CACNA1H: variants seen among roughly 807,000 people sequenced by gnomAD.
CACNA1H encodes the protein voltage-dependent T-type calcium channel subunit alpha-1H.
Under a neutral mutation model 192.5 loss-of-function variants are expected in CACNA1H, and 149 were observed. The ratio of observed to expected loss-of-function variants is 0.77; its 90% CI spans 0.68 to 0.89. The LOEUF is 0.89. Ranked by LOEUF, CACNA1H falls within the 40% of genes least tolerant of loss-of-function variation. The probability of loss-of-function intolerance (pLI) is 0.00; values close to 1 mark genes in which losing one functional copy is unlikely to be tolerated. For missense variants in CACNA1H, 4,257 were observed against 3,423.5 expected, an observed-to-expected ratio of 1.24 and a Z score of -6.08; for synonymous variants, 2,202 against 1,475.2, an observed-to-expected ratio of 1.49 and a Z score of -11.29.
rs201667568 is a variant in CACNA1H, at chr16:1,207,061, C to T, written c.2850C>T (p.Thr950=). The change falls in exon 13 of 35, where the codon ACC becomes ACT. Residue 950 remains threonine, a synonymous_variant. Coordinates refer to ENST00000348261, the MANE Select transcript of CACNA1H (RefSeq NM_021098.3). The part of the protein sequence containing the change: ...KFSLKTDTGD[T]VPDRKNFDSL... ...GCCTGAAGACAGACACCGGAGACAC[C>T]GTGCCTGACAGGAAGAACTTCGACT... 4.4e-5 allele frequency: 71 copies of T among 1,603,110 alleles called. No homozygotes were observed. The highest frequency in any genetic ancestry group is 3.3e-4 in the South Asian group (29 of 89,108).
intron 2 of CACNA1H, among the ~76,000 whole-genome samples, chr16:1,159,337 T>C (rs1962874449): frequency 6.6e-6 from 1 of 151,438 alleles, no homozygotes; most frequent in Non-Finnish European, 1.5e-5. Flanking sequence ...GCGTTCGGAC[T>C]GAGACCTGGA....
chr16:1,171,728 G>A (rs958743792), intron 2 of CACNA1H, among the ~76,000 whole-genome samples: 5 of 152,010 alleles, frequency 3.3e-5, no homozygotes, highest in Non-Finnish European at 7.4e-5. Context: ...CCTCCCTCCT[G>A]GAGTCCCTGG....
In CACNA1H at chr16:1,198,677, C is replaced by T. The variant is rs748968251; in HGVS notation, c.706C>T (p.Leu236=). 1.9e-5 allele frequency: 31 copies of T among 1,613,426 alleles called. No individual in the cohort carries two copies. The African/African-American group carries it at 3.5e-4, about 18-fold the overall frequency. The change falls in exon 6 of 35, where the codon CTG becomes TTG. Residue 236 remains leucine, a synonymous_variant. Coordinates refer to ENST00000348261, the MANE Select transcript of CACNA1H (RefSeq NM_021098.3). ...TLPMLGNVLL[L]CFFVFFIFGI... is the part of the protein sequence containing the mutation. ...GCCCATGCTCGGGAACGTCCTTCTG[C>T]TGTGCTTCTTCGTCTTCTTCATTTT...
At chr16:1,195,874 C>G in intron 4 of CACNA1H, 52 bp from the exon 5 acceptor site, 1 of 1,436,704 alleles carries the variant, frequency 7.0e-7, no homozygotes, top group East Asian at 2.3e-5. Flanking sequence ...CAGCCCCACC[C>G]TGGACCACCT....
chr16:1,212,554 A>G (rs1402222608), intron 26 of CACNA1H, 26 bp downstream of exon 26: 3 of 1,606,672 alleles, frequency 1.9e-6, no homozygotes, highest in Non-Finnish European at 1.7e-6. Flanking sequence ...CGCATGCCTC[A>G]GGCCCCGCTT....
rs1401992464 is a variant in CACNA1H, at chr16:1,201,651, C to T, written c.1213-12C>T. Reference sequence around the variant, plus strand: ...TCACTCACTGCCACTTACCCGCCCGCCCCCGTCACAGGTGGGCTCCTTCTT... The same window carrying T: ...TCACTCACTGCCACTTACCCGCCCGTCCCCGTCACAGGTGGGCTCCTTCTT... On this transcript the variant is annotated splice_polypyrimidine_tract_variant and intron_variant, in intron 8 of 34. Transcript: ENST00000348261. The T allele has an allele frequency of 1.3e-5, 21 of 1,571,888 alleles. No individual in the cohort carries two copies. The highest frequency in any genetic ancestry group is 1.8e-5 in the Non-Finnish European group (21 of 1,157,526).
chr16:1,155,469 C>CG (rs1962215856), intron 2 of CACNA1H, among the ~76,000 whole-genome samples: 1 of 152,144 alleles, frequency 6.6e-6, no homozygotes, highest in African/African-American at 2.4e-5. Flanking sequence ...GTTAGTCCGG[C>CG]GGTGCCAGCA....
chr16:1,200,077 C>T (rs1050686440), intron 6 of CACNA1H, among the ~76,000 whole-genome samples, 179 bp from the exon 7 acceptor site: 2 of 152,058 alleles, frequency 1.3e-5, no homozygotes, highest in African/African-American at 4.8e-5. Context: ...GGGTCTTGAC[C>T]CTCAGTCCTA....
intron 2 of CACNA1H, among the ~76,000 whole-genome samples, chr16:1,190,282 G>C (rs556765534): frequency 6.6e-6 from 1 of 152,390 alleles, no homozygotes; most frequent in South Asian, 2.1e-4. Flanking sequence ...AAGTTGATTT[G>C]AAATCTAAAG....
In CACNA1H at chr16:1,180,856, C is replaced by T. The variant is rs546415189; in HGVS notation, c.300-14116C>T. On this transcript the variant is annotated intron_variant, in intron 2 of 34. Transcript: ENST00000348261. This position sits in a 1 kb window ranked among gnomAD's most constrained non-coding sequence, Gnocchi z 4.4. ...GCCCTGGACTCCCCGGGCCAGCACC[C>T]GACCTGGCCGCCAGCGTGCTGAGGA... Among the ~76,000 whole-genome samples, 15 of 152,298 alleles carry T rather than the reference C, an allele frequency of 9.8e-5. No individual in the cohort carries two copies. The highest frequency in any genetic ancestry group is 3.4e-4 in the African/African-American group (14 of 41,560).
Position 1,209,027 on chromosome 16 carries a change from C to T in CACNA1H, c.3364-5C>T. ...ACCAGGTCACTGACTCCCGCCACCCCCCAGGCCAGCCTCCGAAGTTCTCCC... is the reference window on the plus strand; with the variant it reads ...ACCAGGTCACTGACTCCCGCCACCCTCCAGGCCAGCCTCCGAAGTTCTCCC... On this transcript the variant is annotated splice_region_variant and splice_polypyrimidine_tract_variant and intron_variant, in intron 16 of 34. Transcript: ENST00000348261. The T allele has an allele frequency of 1.3e-6, 2 of 1,500,188 alleles. No individual in the cohort carries two copies. Among genetic ancestry groups the T allele is most frequent in the Middle Eastern group, 2.3e-4 (1 of 4,368 alleles). 92.9% of individuals were successfully genotyped at this position (1,500,188 alleles called of 1,614,324 possible). A position where few individuals can be genotyped will look rare whatever the true frequency, so the allele number is the denominator to read the frequency against.
chr16:1,203,041 C>G (rs1219248405), intron 9 of CACNA1H, among the ~76,000 whole-genome samples: 2 of 152,166 alleles, frequency 1.3e-5, no homozygotes, highest in African/African-American at 4.8e-5. Flanking sequence ...CTTCCTGGTT[C>G]TGTACACAGA....
rs569828599 is a variant in CACNA1H at position 1,201,559 on chromosome 16, C to T, written c.1213-104C>T. ...ATAGCAGGGCACCTCGCCCACTGTG[C>T]CTGTGACGCGGCCCCCACTCGAACA... On this transcript the variant is annotated intron_variant, in intron 8 of 34. Coordinates refer to ENST00000348261, the MANE Select transcript of CACNA1H (RefSeq NM_021098.3). The T allele has an allele frequency of 2.6e-5, 35 of 1,368,764 alleles. No homozygotes were observed. In the African/African-American group the frequency reaches 3.9e-4, roughly 15 times the overall value. 84.8% of individuals were successfully genotyped at this position (1,368,764 alleles called of 1,614,324 possible). A position where few individuals can be genotyped will look rare whatever the true frequency, so the allele number is the denominator to read the frequency against.
chr16:1,156,674 C>T (rs1353387519), intron 2 of CACNA1H, among the ~76,000 whole-genome samples: 1 of 152,154 alleles, frequency 6.6e-6, no homozygotes. Context: ...GAGGGATAAT[C>T]GGATTTGCTC....
rs1596409311 is a variant in CACNA1H, at chr16:1,201,934, T to C, written c.1484T>C (p.Val495Ala). The C allele has an allele frequency of 6.5e-7, 1 of 1,549,148 alleles. No individual in the cohort carries two copies. The highest frequency in any genetic ancestry group is 1.4e-5 in the African/African-American group (1 of 73,048). Residue 495 changes from valine to alanine, a missense_variant, in exon 9 of 35, where the codon GTG becomes GCG. Transcript: ENST00000348261. ...CGCAAGAAGGTGGACCCCAGTGCTGTGCAAGGCCAGGGTCCCGGGCACCGC... is the reference window on the plus strand; with the variant it reads ...CGCAAGAAGGTGGACCCCAGTGCTGCGCAAGGCCAGGGTCCCGGGCACCGC... ...RWRKKVDPSAVQGQGPGHRQR... is the reference protein window; with the variant it reads ...RWRKKVDPSAAQGQGPGHRQR...
rs1220460658 is a variant in CACNA1H, at chr16:1,207,789, A to G, written c.3083A>G (p.Asp1028Gly). 1 of 1,601,152 alleles carries G rather than the reference A, an allele frequency of 6.2e-7. No individual in the cohort carries two copies. The highest frequency in any genetic ancestry group is 8.5e-7 in the Non-Finnish European group (1 of 1,174,318). Residue 1028 changes from aspartate (D) to glycine (G), a missense_variant, in exon 15 of 35, where the codon GAC becomes GGC. Coordinates refer to ENST00000348261, the MANE Select transcript of CACNA1H (RefSeq NM_021098.3). ...FQAEGDANRS[D>G]TDEDKTSVHF... ...GTTTAGGGCGATGCCAACAGATCCG[A>G]CACGGACGAGGACAAGACGTCGGTC...
intron 5 of CACNA1H, among the ~76,000 whole-genome samples, chr16:1,198,238 C>T (rs1045088315): frequency 2.0e-5 from 3 of 152,156 alleles, no homozygotes; most frequent in Non-Finnish European, 4.4e-5. Flanking sequence ...CGAGATGCCA[C>T]GTGGTCAGAC....
In CACNA1H at chr16:1,213,181, G is replaced by T. The variant is rs182292863; in HGVS notation, c.4778-599G>T. 4.0e-4 allele frequency among the ~76,000 whole-genome samples: 61 copies of T among 152,354 alleles called. No individual in the cohort carries two copies. The East Asian group carries it at 0.011, about 28-fold the overall frequency. ...GACCACAGCCCATGGCCCCTTGGAG[G>T]ATGGGGAGGGGAGGTACTTGGGCTG... On this transcript the variant is annotated intron_variant, in intron 26 of 34. Coordinates refer to ENST00000348261, the MANE Select transcript of CACNA1H (RefSeq NM_021098.3).
At position 1,221,405 on chromosome 16, in the gene CACNA1H, A is replaced by C. The variant is rs1596483530; in HGVS notation, c.*411A>C. On this transcript the variant is annotated 3_prime_UTR_variant, in exon 35 of 35. Coordinates refer to ENST00000348261, the MANE Select transcript of CACNA1H (RefSeq NM_021098.3). ...CCCTTGCCGGCGGCAGGTTGCAGCC[A>C]CCGCGGCCCAATGTCACCTTCACTC... The C allele has an allele frequency of 3.5e-6, 1 of 287,650 alleles. No individual in the cohort carries two copies. 17.8% of individuals were successfully genotyped at this position (287,650 alleles called of 1,614,324 possible).
Sources: allele counts gnomAD v4.1 joint callset (sites outside exome capture counted in the v4.1 genomes callset), GRCh38; gene constraint gnomAD v4.1.1; non-coding constraint Gnocchi (gnomAD v3.1); transcripts MANE v1.5; gene names NCBI Gene and HGNC (gene_info 2026-07-23, HGNC 2026-07-21).